Variants in CNTNAP2 observed in about 807,000 individuals in gnomAD.
CNTNAP2 encodes the protein contactin-associated protein-like 2.
A neutral mutation model predicts 155.2 loss-of-function variants in CNTNAP2; 98 were observed. The ratio of observed to expected loss-of-function variants is 0.63; its 90% CI spans 0.54 to 0.75. CNTNAP2 has a LOEUF of 0.75. CNTNAP2 is among the 30% of genes least tolerant of loss of function. The probability of loss-of-function intolerance (pLI) is 0.00; values close to 1 mark genes in which losing one functional copy is unlikely to be tolerated. For synonymous variants in CNTNAP2, 651 were observed against 631.2 expected (o/e 1.03, Z -0.47); for missense variants, 1,727 against 1,688.1 (o/e 1.02, Z -0.40).
intron 9 of CNTNAP2, among the ~76,000 whole-genome samples, chr7:147,361,215 T>C (rs1242884605): frequency 2.6e-5 from 4 of 152,238 alleles, no homozygotes; most frequent in African/African-American, 9.6e-5. Context: ...CTTTAGGATG[T>C]ATGATCTTCT....
At chr7:147,602,679 C>T (rs1327045437) in intron 12 of CNTNAP2, among the ~76,000 whole-genome samples, 2 of 151,550 alleles carry the variant, frequency 1.3e-5, no homozygotes, top group East Asian at 2.0e-4. Flanking sequence ...GTGATGTTCC[C>T]CTTCCTGTGT....
intron 15 of CNTNAP2, among the ~76,000 whole-genome samples, chr7:148,106,509 T>TAC (rs1804224354): frequency 6.8e-6 from 1 of 146,344 alleles, no homozygotes; most frequent in African/African-American, 2.6e-5. Flanking sequence ...TATATATATA[T>TAC]ATATATATAT....
chr7:147,534,802 G>C (rs549130457), intron 11 of CNTNAP2, among the ~76,000 whole-genome samples: 18 of 152,242 alleles, frequency 1.2e-4, no homozygotes, highest in African/African-American at 3.4e-4. Flanking sequence ...CTATCCACTC[G>C]TTGAAATTTA....
At chr7:146,533,929 A>G (rs1797808992) in intron 1 of CNTNAP2, among the ~76,000 whole-genome samples, 2 of 152,164 alleles carry the variant, frequency 1.3e-5, no homozygotes, top group South Asian at 4.1e-4. Context: ...CATAAGAGTA[A>G]CATAAATATT....
At chr7:147,948,190 G>T (rs1378787666) in intron 14 of CNTNAP2, among the ~76,000 whole-genome samples, 1 of 151,492 alleles carries the variant, frequency 6.6e-6, no homozygotes, top group Admixed American at 6.6e-5. Context: ...GGGGAGGGGG[G>T]CATGGTTAAT....
At chr7:146,870,370 G>A (rs1248093032) in intron 3 of CNTNAP2, among the ~76,000 whole-genome samples, 1 of 152,060 alleles carries the variant, frequency 6.6e-6, no homozygotes. Flanking sequence ...TGTGTTCACG[G>A]AAGTGATCCC....
chr7:147,394,806 A>AG (rs1251265628), intron 9 of CNTNAP2, among the ~76,000 whole-genome samples: 4 of 90,240 alleles, frequency 4.4e-5, no homozygotes, highest in Admixed American at 2.4e-4. Flanking sequence ...AATCAACAGT[A>AG]TTGTGTGTGT....
intron 15 of CNTNAP2, among the ~76,000 whole-genome samples, chr7:148,105,850 G>T (rs552874214): frequency 6.6e-6 from 1 of 152,186 alleles, no homozygotes; most frequent in Admixed American, 6.5e-5. Flanking sequence ...GCCTCCCAAA[G>T]TGCTGGGATT....
chr7:146,423,958 G>A (rs921179022), intron 1 of CNTNAP2, among the ~76,000 whole-genome samples: 6 of 152,154 alleles, frequency 3.9e-5, no homozygotes, highest in Non-Finnish European at 8.8e-5. Context: ...GTGCTGGAGA[G>A]ATGAAGTGAC....
intron 8 of CNTNAP2, among the ~76,000 whole-genome samples, chr7:147,249,879 G>A (rs756593031): frequency 5.3e-5 from 8 of 152,048 alleles, no homozygotes; most frequent in Non-Finnish European, 7.4e-5. Context: ...CTTTTTCTCT[G>A]CACACACAAC....
At chr7:147,063,425 G>A (rs1313295418) in intron 4 of CNTNAP2, among the ~76,000 whole-genome samples, 1 of 152,104 alleles carries the variant, frequency 6.6e-6, no homozygotes, top group Non-Finnish European at 1.5e-5. Flanking sequence ...CCGCAGGTAT[G>A]GGACACACTT....
chr7:147,465,929 A>G (rs534835380), intron 10 of CNTNAP2, among the ~76,000 whole-genome samples: 153 of 58,178 alleles, frequency 2.6e-3, no homozygotes, highest in African/African-American at 0.016. Context: ...AGTTAATTGT[A>G]TCTAATGTGT....
At chr7:147,925,281 C>T (rs1380070338) in intron 14 of CNTNAP2, among the ~76,000 whole-genome samples, 2 of 66,700 alleles carry the variant, frequency 3.0e-5, no homozygotes, top group African/African-American at 5.3e-5. Flanking sequence ...CAAACACACA[C>T]AAGCGCGCGC....
intron 1 of CNTNAP2, among the ~76,000 whole-genome samples, chr7:146,410,741 T>C (rs1316615711): frequency 1.3e-5 from 2 of 152,120 alleles, no homozygotes; most frequent in East Asian, 3.9e-4. Context: ...TTTGTGAAAT[T>C]TTGTTTCCTT....
chr7:148,294,693 A>G (rs1431086889), intron 21 of CNTNAP2, among the ~76,000 whole-genome samples: 2 of 152,232 alleles, frequency 1.3e-5, no homozygotes, highest in Non-Finnish European at 1.5e-5. Context: ...TCATTAAAGC[A>G]GCTAACTTCT....
chr7:146,720,993 A>C (rs1181444950), intron 1 of CNTNAP2, among the ~76,000 whole-genome samples: 1 of 121,460 alleles, frequency 8.2e-6, no homozygotes, highest in Non-Finnish European at 1.6e-5. Context: ...TATACTGTAT[A>C]TATATAGTCT....
At chr7:148,187,230 G>A (rs1447282761) in intron 18 of CNTNAP2, among the ~76,000 whole-genome samples, 1 of 152,096 alleles carries the variant, frequency 6.6e-6, no homozygotes, top group African/African-American at 2.4e-5. Context: ...GTTTCTTAGG[G>A]TGCCACCCAC....
chr7:147,986,205 C>T (rs563324235), intron 15 of CNTNAP2, among the ~76,000 whole-genome samples: 11 of 152,230 alleles, frequency 7.2e-5, no homozygotes, highest in African/African-American at 2.6e-4. Context: ...TTCTCTCTGT[C>T]TCTCCATTCC....
intron 1 of CNTNAP2, among the ~76,000 whole-genome samples, chr7:146,372,962 A>G (rs1795256665): frequency 6.6e-6 from 1 of 152,174 alleles, no homozygotes; most frequent in Non-Finnish European, 1.5e-5. Flanking sequence ...CAGATCACAT[A>G]TTACCTGAAA....
Sources: allele counts gnomAD v4.1 joint callset (sites outside exome capture counted in the v4.1 genomes callset), GRCh38; gene constraint gnomAD v4.1.1; transcripts MANE v1.5; gene names NCBI Gene and HGNC (gene_info 2026-07-23, HGNC 2026-07-21).